ZBTB10: variants seen among roughly 807,000 people sequenced by gnomAD.
ZBTB10 encodes zinc finger and BTB domain containing 10, also known as zinc finger and BTB domain-containing protein 10.
A neutral mutation model predicts 76.4 loss-of-function variants in ZBTB10; 32 were observed. That is an observed-to-expected ratio of 0.42 (90% confidence interval 0.32 to 0.56). ZBTB10 has a LOEUF of 0.56. Among genes scored for constraint, ZBTB10 ranks in the 20% least tolerant of loss-of-function variants. ZBTB10 has a pLI of 0.14. For missense variants in ZBTB10, 1,057 were observed against 1,098.5 expected (o/e 0.96, Z 0.53); for synonymous variants, 523 against 432.9 (o/e 1.21, Z -2.58).
chr8:80,490,637 C>G (rs994733380), intron 1 of ZBTB10, among the ~76,000 whole-genome samples: 1 of 152,194 alleles, frequency 6.6e-6, no homozygotes, highest in Admixed American at 6.5e-5. Context: ...ATTTCTCATA[C>G]ATGCAGTTTT....
chr8:80,519,072 A>G (rs1316824534), intron 5 of ZBTB10, 118 bp downstream of exon 5: 3 of 1,417,638 alleles, frequency 2.1e-6, no homozygotes, highest in Admixed American at 2.6e-5. Flanking sequence ...AAATTGCTTT[A>G]AACAGTTTGA....
Position 80,513,973 on chromosome 8 carries a change from C to T in ZBTB10, c.1925C>T (p.Ala642Val). The T allele has an allele frequency of 6.2e-7, 1 of 1,613,530 alleles. No homozygotes were observed. The highest frequency in any genetic ancestry group is 8.5e-7 in the Non-Finnish European group (1 of 1,179,636). ...GDRNVNANLL[A>V]EAGTSQDGGD... is the part of the protein sequence containing the mutation. ...AGGAATGTGAATGCAAATTTATTGG[C>T]TGAAGCTGGCACTAGTCAAGATGGA... Residue 642 changes from alanine (A) to valine (V), a missense_variant, in exon 3 of 6, where the codon GCT (alanine) becomes GTT (valine). Physicochemically the swap from Ala to Val is moderately conservative, Grantham distance 64 (BLOSUM62 0). This residue lies in a region of ZBTB10 where 306 missense variants were observed against 297.5 expected (regional missense o/e 1.03). Transcript: ENST00000455036.
At chr8:80,497,629 G>C (rs886369724) in intron 1 of ZBTB10, among the ~76,000 whole-genome samples, 1 of 146,858 alleles carries the variant, frequency 6.8e-6, no homozygotes, top group African/African-American at 2.5e-5. Flanking sequence ...GATTCGTAGA[G>C]TTTTTCATAC....
rs2131524102 is a variant in ZBTB10 at position 80,521,621 on chromosome 8, A to G, written c.*2093A>G. ...GCATAGAAACTGGACTTGGCTTTAC[A>G]TTCTTAATGTACTTTTACTTTTCCT... On this transcript the variant is annotated 3_prime_UTR_variant, in exon 6 of 6. Coordinates refer to ENST00000455036, the MANE Select transcript of ZBTB10 (RefSeq NM_001105539.3). 1 of 151,918 alleles carries G rather than the reference A, an allele frequency of 6.6e-6. No individual in the cohort carries two copies. Among genetic ancestry groups the G allele is most frequent in the South Asian group, 2.1e-4 (1 of 4,826 alleles). The allele number at this position is 151,918 out of a possible 1,614,324, so 9.4% of individuals were successfully genotyped here.
At chr8:80,515,470 A>C (rs2131514488) in intron 3 of ZBTB10, among the ~76,000 whole-genome samples, 1 of 152,334 alleles carries the variant, frequency 6.6e-6, no homozygotes, top group Non-Finnish European at 1.5e-5. Flanking sequence ...AAGAATTTAC[A>C]AAACAAGTTT....
chr8:80,495,695 T>C (rs902981946), intron 1 of ZBTB10, among the ~76,000 whole-genome samples: 1 of 152,198 alleles, frequency 6.6e-6, no homozygotes, highest in Non-Finnish European at 1.5e-5. Context: ...TAAATAAATA[T>C]GTAAAGTTAG....
chr8:80,497,851 C>T (rs1563459240), intron 1 of ZBTB10, among the ~76,000 whole-genome samples: 2 of 151,834 alleles, frequency 1.3e-5, no homozygotes, highest in African/African-American at 2.4e-5. Context: ...TTAGTAGAGA[C>T]GGGGTTTCAC....
At chr8:80,505,268 A>G (rs986050285) in intron 2 of ZBTB10, among the ~76,000 whole-genome samples, 3 of 152,174 alleles carry the variant, frequency 2.0e-5, no homozygotes, top group African/African-American at 7.2e-5. Flanking sequence ...CAGGATGACA[A>G]ACTTCCTGGT....
rs1027570098 is a variant in ZBTB10 at position 80,524,509 on chromosome 8, T to C, written c.*4981T>C. 2 of 152,092 alleles carry C rather than the reference T, an allele frequency of 1.3e-5. No homozygotes were observed. The highest frequency in any genetic ancestry group is 4.8e-5 in the African/African-American group (2 of 41,442). 9.4% of individuals were successfully genotyped at this position (152,092 alleles called of 1,614,324 possible). A position where few individuals can be genotyped will look rare whatever the true frequency, so the allele number is the denominator to read the frequency against. The stretch of plus-strand genomic sequence containing the variant: ...TTATAAATTTGAAGTCTTTGAAACT[T>C]TATTAATGTAGAGAAAACATAACTA... On this transcript the variant is annotated 3_prime_UTR_variant, in exon 6 of 6. Transcript: ENST00000455036.
Position 80,487,731 on chromosome 8 carries a change from C to G in ZBTB10, c.921C>G (p.Leu307=), listed in dbSNP as rs960568527. The change falls in exon 1 of 6, where the codon CTC becomes CTG. Residue 307 remains leucine (L), a synonymous_variant. Transcript: ENST00000455036. ...RGTRNYKKTL[L]LRHHVSTEHK... ...CCCGCAACTACAAGAAAACCCTCCT[C>G]CTGAGGCACCACGTCTCTACCGAGC... 3.7e-6 allele frequency: 6 copies of G among 1,612,866 alleles called. No individual in the cohort carries two copies. Among genetic ancestry groups the G allele is most frequent in the Non-Finnish European group, 5.1e-6 (6 of 1,179,402 alleles).
intron 1 of ZBTB10, among the ~76,000 whole-genome samples, chr8:80,489,506 A>T (rs1455811740): frequency 6.6e-6 from 1 of 152,324 alleles, no homozygotes; most frequent in East Asian, 1.9e-4. Flanking sequence ...CCTCTTTATC[A>T]GCATAGTCTC....
At chr8:80,492,697 T>A (rs28644470) in intron 1 of ZBTB10, among the ~76,000 whole-genome samples, 2,343 of 151,988 alleles carry the variant, frequency 0.015, 32 homozygotes, top group Non-Finnish European at 0.023. Context: ...CAGGATAGTC[T>A]CTATCTCCTG....
chr8:80,509,167 G>C (rs1417480684), intron 2 of ZBTB10, among the ~76,000 whole-genome samples: 1 of 152,128 alleles, frequency 6.6e-6, no homozygotes, highest in African/African-American at 2.4e-5. Flanking sequence ...TCCACTGAAA[G>C]GAGAAAACTG....
upstream of ZBTB10, chr8:80,485,868 T>G: frequency 6.5e-7 from 1 of 1,535,680 alleles, no homozygotes; most frequent in South Asian, 1.2e-5. Context: ...AAAATGCGCG[T>G]CCCGGGCGCG....
At chr8:80,510,990 T>G (rs538364214) in intron 2 of ZBTB10, among the ~76,000 whole-genome samples, 1 of 152,292 alleles carries the variant, frequency 6.6e-6, no homozygotes. Context: ...CATCAACATC[T>G]CTAATAATGA....
intron 2 of ZBTB10, among the ~76,000 whole-genome samples, chr8:80,512,869 T>C (rs1447136893): frequency 6.6e-6 from 1 of 152,116 alleles, no homozygotes. Context: ...TCTTATTTTT[T>C]CTGCTTGCCC....
rs1435229249 is a variant in ZBTB10, at chr8:80,525,295, TC to T, written c.*5768del. ...AAAGAAAGAAAGTGAACTATAGAAATCTATTCAGCTAATTAAAGTGAATGAA... is the reference window on the plus strand; with the variant it reads ...AAAGAAAGAAAGTGAACTATAGAAATTATTCAGCTAATTAAAGTGAATGAA... On this transcript the variant is annotated 3_prime_UTR_variant, in exon 6 of 6. Coordinates refer to ENST00000455036, the MANE Select transcript of ZBTB10 (RefSeq NM_001105539.3). The T allele has an allele frequency of 6.6e-6, 1 of 152,086 alleles. No individual in the cohort carries two copies. Among genetic ancestry groups the T allele is most frequent in the Non-Finnish European group, 1.5e-5 (1 of 67,990 alleles). 9.4% of individuals were successfully genotyped at this position (152,086 alleles called of 1,614,324 possible). A position where few individuals can be genotyped will look rare whatever the true frequency, so the allele number is the denominator to read the frequency against.
intron 3 of ZBTB10, among the ~76,000 whole-genome samples, chr8:80,517,871 CT>C (rs773074047): frequency 1.1e-3 from 84 of 76,842 alleles, no homozygotes; most frequent in East Asian, 5.2e-3. Flanking sequence ...CGCCCGCCAC[CT>C]TTTTTTTTTT....
In ZBTB10 at chr8:80,518,447, A is replaced by C. The variant is rs1162895646; in HGVS notation, c.2005A>C (p.Asn669His). The C allele has an allele frequency of 6.4e-7, 1 of 1,553,064 alleles. No individual in the cohort carries two copies. The highest frequency in any genetic ancestry group is 8.7e-7 in the Non-Finnish European group (1 of 1,147,756). The change falls in exon 4 of 6, where the codon AAT (asparagine) becomes CAT (histidine). Residue 669 changes from asparagine (N) to histidine (H), a missense_variant. By Grantham distance (68) the Asn-to-His change is moderately conservative (BLOSUM62 1). Transcript: ENST00000455036. ...GTATGGTTTGATGCCTGGTCCTTCAAATGATTTCAAGTATGGATTGATACC... is the reference window on the plus strand; with the variant it reads ...GTATGGTTTGATGCCTGGTCCTTCACATGATTTCAAGTATGGATTGATACC... ...FKYGLMPGPS[N>H]DFKYGLIPGT... is the part of the protein sequence containing the mutation.
Sources: allele counts gnomAD v4.1 joint callset (sites outside exome capture counted in the v4.1 genomes callset), GRCh38; gene constraint gnomAD v4.1.1; regional missense constraint gnomAD v4.1.1; transcripts MANE v1.5; gene names NCBI Gene and HGNC (gene_info 2026-07-23, HGNC 2026-07-21).